Variants in HDAC4 observed in about 807,000 individuals in gnomAD.
HDAC4 encodes histone deacetylase A.
Under a neutral mutation model 135.1 loss-of-function variants are expected in HDAC4, and 16 were observed. The ratio of observed to expected loss-of-function variants is 0.12; its 90% CI spans 0.08 to 0.18. HDAC4 has a LOEUF of 0.18. Ranked by LOEUF, HDAC4 falls within the 10% of genes least tolerant of loss-of-function variation. The pLI is 1.00. For missense variants in HDAC4, 1,143 were observed against 1,511.8 expected, an observed-to-expected ratio of 0.76 and a Z score of 4.05; for synonymous variants, 685 against 653.4, an observed-to-expected ratio of 1.05 and a Z score of -0.74.
At chr2:239,129,644 C>A (rs1048958590) in intron 11 of HDAC4, among the ~76,000 whole-genome samples, 1 of 152,214 alleles carries the variant, frequency 6.6e-6, no homozygotes, top group African/African-American at 2.4e-5. Context: ...TGGTGCTGGA[C>A]GGCTGTGTCC....
rs946044354 is a variant in HDAC4, at chr2:239,223,425, G to C, written c.94+13168C>G. ...TTCAAGGGCGCTGCGGGTCACTGGGGGTGGAATAATCCAGCAGGCAGGTGG... is the reference window on the plus strand; with the variant it reads ...TTCAAGGGCGCTGCGGGTCACTGGGCGTGGAATAATCCAGCAGGCAGGTGG... On this transcript the variant is annotated intron_variant, in intron 3 of 26. Transcript: ENST00000543185. 2.0e-5 allele frequency among the ~76,000 whole-genome samples: 3 copies of C among 152,290 alleles called. 1 individual carries two copies. The highest frequency in any genetic ancestry group is 6.8e-3 in the Middle Eastern group (2 of 294).
intron 15 of HDAC4, among the ~76,000 whole-genome samples, chr2:239,107,304 G>A (rs2038235740): frequency 6.6e-6 from 1 of 152,242 alleles, no homozygotes; most frequent in Non-Finnish European, 1.5e-5. Context: ...CAGATTCGGG[G>A]CAGGGCTCTG....
intron 25 of HDAC4, 112 bp from the exon 26 acceptor site, chr2:239,053,713 G>C: frequency 1.2e-6 from 1 of 858,242 alleles, no homozygotes; most frequent in South Asian, 1.6e-5. Context: ...GATCCCTTAT[G>C]ATTTTAAAAG....
chr2:239,087,587 C>T lies in HDAC4; in HGVS notation c.2416G>A (p.Gly806Arg). The T allele has an allele frequency of 6.2e-7, 1 of 1,613,910 alleles. No homozygotes were observed. Among genetic ancestry groups the T allele is most frequent in the Non-Finnish European group, 8.5e-7 (1 of 1,179,970 alleles). ...KNGFAVVRPP[G>R]HHAEESTPMG... Reference sequence around the variant, plus strand: ...GGCGTGCTCTCCTCCGCATGGTGTCCAGGGGGGCGGACCACAGCAAAGCCA... The same window carrying T: ...GGCGTGCTCTCCTCCGCATGGTGTCTAGGGGGGCGGACCACAGCAAAGCCA... The change falls in exon 19 of 27, where the codon GGA (glycine) becomes AGA (arginine). Residue 806 changes from glycine to arginine, a missense_variant. Physicochemically the swap from Gly to Arg is moderately radical, Grantham distance 125. Around this residue, in one of 9 missense-constraint regions of HDAC4, gnomAD observed 189 missense variants for 317.6 expected, o/e 0.60. Transcript: ENST00000543185.
intron 2 of HDAC4, among the ~76,000 whole-genome samples, chr2:239,318,465 C>T (rs1446085244): frequency 6.6e-6 from 1 of 152,148 alleles, no homozygotes; most frequent in Non-Finnish European, 1.5e-5. Context: ...ATTGAAGGCC[C>T]TGCAGGGCCT....
At chr2:239,263,327 C>A in intron 2 of HDAC4, among the ~76,000 whole-genome samples, 1 of 143,056 alleles carries the variant, frequency 7.0e-6, no homozygotes, top group East Asian at 2.1e-4. Flanking sequence ...GGACCCCCGC[C>A]CATCCCAGCC....
Position 239,245,387 on chromosome 2 carries a change from G to A in HDAC4, c.23-8723C>T, listed in dbSNP as rs1401336879. On this transcript the variant is annotated intron_variant, in intron 2 of 26. Transcript: ENST00000543185. This position sits in a 1 kb window ranked among gnomAD's most constrained non-coding sequence, Gnocchi z 4.4. ...AATTTCAGATATGCCCACCAGTCCCGATGTTTTGGTCTGGATTTGAACAAC... is the reference window on the plus strand; with the variant it reads ...AATTTCAGATATGCCCACCAGTCCCAATGTTTTGGTCTGGATTTGAACAAC... Among the ~76,000 whole-genome samples, 3 of 152,200 alleles carry A rather than the reference G, an allele frequency of 2.0e-5. No homozygotes were observed. The highest frequency in any genetic ancestry group is 1.9e-4 in the East Asian group (1 of 5,204).
In HDAC4 at chr2:239,108,268, G is replaced by A. The variant is rs573794800; in HGVS notation, c.1979-85C>T. ...TGGCAGGCTGCCCCCGGGTGGTGGC[G>A]GAACCACCACTTCCCTAGAAGGAGA... On this transcript the variant is annotated intron_variant, in intron 14 of 26. Coordinates refer to ENST00000543185, the MANE Select transcript of HDAC4 (RefSeq NM_001378414.1). The A allele has an allele frequency of 1.5e-4, 222 of 1,478,616 alleles. 4 individuals are homozygous for A. In the South Asian group the frequency reaches 1.5e-3, roughly 10 times the overall value. The allele number at this position is 1,478,616 out of a possible 1,614,324, so 91.6% of individuals were successfully genotyped here.
At chr2:239,078,404 G>T (rs200003310) in intron 22 of HDAC4, among the ~76,000 whole-genome samples, 1 of 54,012 alleles carries the variant, frequency 1.9e-5, no homozygotes, top group Non-Finnish European at 4.6e-5. Flanking sequence ...CATTGTCCCC[G>T]GGGGGCCCCC....
chr2:239,108,037 C>T lies in HDAC4; in HGVS notation c.2112+13G>A, dbSNP rs765619980. 2.0e-5 allele frequency: 33 copies of T among 1,610,504 alleles called. No homozygotes were observed. Among genetic ancestry groups the T allele is most frequent in the East Asian group, 2.2e-5 (1 of 44,886 alleles). ...CAAAGCCGCAGCTGCCCACCTGCCC[C>T]GGTCGGCGTTACCTCGCATTTGCCC... On this transcript the variant is annotated intron_variant, in intron 15 of 26. Transcript: ENST00000543185.
At chr2:239,064,328 GC>G (rs1426802684) in intron 24 of HDAC4, among the ~76,000 whole-genome samples, 2 of 152,252 alleles carry the variant, frequency 1.3e-5, no homozygotes, top group Non-Finnish European at 2.9e-5. Flanking sequence ...AGCCATGGCA[GC>G]AGCCCTGCTG....
intron 24 of HDAC4, among the ~76,000 whole-genome samples, chr2:239,061,836 G>A (rs1329650695): frequency 6.6e-6 from 1 of 152,208 alleles, no homozygotes; most frequent in East Asian, 1.9e-4. Flanking sequence ...TGTCTTCCAC[G>A]AATCCTGGAG....
chr2:239,211,416 C>T (rs2046349328), intron 3 of HDAC4, among the ~76,000 whole-genome samples: 1 of 152,168 alleles, frequency 6.6e-6, no homozygotes, highest in East Asian at 1.9e-4. Flanking sequence ...TGATGGTCCC[C>T]AGGGTGGTCC....
intron 1 of HDAC4, among the ~76,000 whole-genome samples, chr2:239,397,138 G>A (rs966995267): frequency 2.0e-5 from 3 of 152,256 alleles, no homozygotes; most frequent in African/African-American, 7.2e-5. Flanking sequence ...TCTTCTCTAA[G>A]AGGCTGTGTT....
chr2:239,398,938 T>C (rs1401049736), intron 1 of HDAC4, among the ~76,000 whole-genome samples: 1 of 150,628 alleles, frequency 6.6e-6, no homozygotes, highest in African/African-American at 2.5e-5. Flanking sequence ...TCTTTTCTAA[T>C]TGATTACTGC....
At chr2:239,235,424 G>C (rs901275708) in intron 3 of HDAC4, among the ~76,000 whole-genome samples, 1 of 152,244 alleles carries the variant, frequency 6.6e-6, no homozygotes, top group Admixed American at 6.5e-5. Flanking sequence ...GGGCACCGGA[G>C]GGCACAGGCG....
chr2:239,150,212 C>T (rs1388491074), intron 7 of HDAC4, among the ~76,000 whole-genome samples: 1 of 152,126 alleles, frequency 6.6e-6, no homozygotes, highest in African/African-American at 2.4e-5. Flanking sequence ...GGTACACACA[C>T]AGACACACAG....
At chr2:239,121,582 G>A (rs1306326283) in intron 12 of HDAC4, among the ~76,000 whole-genome samples, 1 of 152,230 alleles carries the variant, frequency 6.6e-6, no homozygotes, top group African/African-American at 2.4e-5. Context: ...AACATTCCCA[G>A]GTCTTTTTCC....
chr2:239,130,404 A>G (rs549697724), intron 11 of HDAC4, among the ~76,000 whole-genome samples: 3 of 152,288 alleles, frequency 2.0e-5, no homozygotes, highest in South Asian at 4.1e-4. Flanking sequence ...TCCACTCAGC[A>G]TGTGACAGCG....
Sources: gnomAD v4.1 joint callset for allele counts (sites outside exome capture counted in the v4.1 genomes callset) on GRCh38, gnomAD v4.1.1 for gene constraint, gnomAD v4.1.1 regional missense constraint, Gnocchi (gnomAD v3.1) non-coding constraint, MANE v1.5 for transcripts, NCBI Gene and HGNC (gene_info 2026-07-23, HGNC 2026-07-21) for gene names.